SYT9: variants seen among roughly 807,000 people sequenced by gnomAD.
SYT9 encodes the protein synaptotagmin 9.
SYT9 carries 22 observed loss-of-function variants against 48.4 expected under a neutral mutation model. The observed-to-expected ratio is 0.45, with a 90% confidence interval of 0.32 to 0.65. SYT9 has a LOEUF of 0.65. Among genes scored for constraint, SYT9 ranks in the 30% least tolerant of loss-of-function variants. SYT9 has a pLI of 0.03. For synonymous variants in SYT9, 265 were observed against 245.0 expected, an observed-to-expected ratio of 1.08 and a Z score of -0.76; for missense variants, 577 against 622.0, an observed-to-expected ratio of 0.93 and a Z score of 0.77.
At chr11:7,347,722 G>A (rs1457903438) in intron 3 of SYT9, among the ~76,000 whole-genome samples, 39 of 152,186 alleles carry the variant, frequency 2.6e-4, no homozygotes, top group Admixed American at 2.6e-3. Flanking sequence ...AGCTTTTTGA[G>A]GGAGTGGGAA....
chr11:7,431,514 G>A lies in SYT9; in HGVS notation c.1467+10879G>A, dbSNP rs561668579. Among the ~76,000 whole-genome samples the A allele has an allele frequency of 2.6e-5, 4 of 152,340 alleles. No individual in the cohort carries two copies. The South Asian group carries it at 8.3e-4, about 32-fold the overall frequency. Reference sequence around the variant, plus strand: ...GGAGGAACCACTTGCTAGAGATATTGGCATAACTAAAAGGGAGCCAGGTGC... The same window carrying A: ...GGAGGAACCACTTGCTAGAGATATTAGCATAACTAAAAGGGAGCCAGGTGC... On this transcript the variant is annotated intron_variant, in intron 6 of 6. Transcript: ENST00000318881.
chr11:7,461,620 G>A (rs1440904062), intron 6 of SYT9, among the ~76,000 whole-genome samples: 2 of 152,186 alleles, frequency 1.3e-5, no homozygotes, highest in African/African-American at 4.8e-5. Flanking sequence ...TGATCCATCC[G>A]CCTTGGCCTT....
chr11:7,309,215 G>A (rs1258328368), intron 2 of SYT9, among the ~76,000 whole-genome samples: 1 of 152,130 alleles, frequency 6.6e-6, no homozygotes, highest in Admixed American at 6.5e-5. Context: ...GAGAGAGAAT[G>A]GGAGGTGGAT....
rs1447752379 is a variant in SYT9, at chr11:7,252,421, G to A, written c.145+90G>A. The A allele has an allele frequency of 1.1e-5, 14 of 1,310,808 alleles. No homozygotes were observed. In the East Asian group the frequency reaches 3.1e-4, roughly 29 times the overall value. The allele number at this position is 1,310,808 out of a possible 1,614,324, so 81.2% of individuals were successfully genotyped here. A position where few individuals can be genotyped will look rare whatever the true frequency, so the allele number is the denominator to read the frequency against. On this transcript the variant is annotated intron_variant, in intron 1 of 6. Transcript: ENST00000318881. The surrounding 1 kb of genome is among the most constrained non-coding windows in gnomAD (Gnocchi z 6.3). The stretch of plus-strand genomic sequence containing the variant: ...GGGGCCTGAGGCAGAACAGCGACGC[G>A]GACTGGGAGAGGGCGGGGGGCGGCC...
In SYT9 at chr11:7,252,506, G is replaced by A. The variant is rs1288223323; in HGVS notation, c.145+175G>A. 1.3e-5 allele frequency among the ~76,000 whole-genome samples: 2 copies of A among 152,086 alleles called. No homozygotes were observed. Among genetic ancestry groups the A allele is most frequent in the Non-Finnish European group, 2.9e-5 (2 of 68,004 alleles). ...TGTGGCCTGATGCTGTAACCAGGCG[G>A]GGACCCGGGCGGTGGCTACTGCACG... On this transcript the variant is annotated intron_variant, in intron 1 of 6. Coordinates refer to ENST00000318881, the MANE Select transcript of SYT9 (RefSeq NM_175733.4). The surrounding 1 kb of genome is among the most constrained non-coding windows in gnomAD (Gnocchi z 6.3).
chr11:7,269,411 A>G (rs1336833383), intron 1 of SYT9, among the ~76,000 whole-genome samples: 4 of 152,190 alleles, frequency 2.6e-5, no homozygotes, highest in Non-Finnish European at 4.4e-5. Context: ...GCAAAACAAT[A>G]ACAGCAGGTT....
intron 1 of SYT9, among the ~76,000 whole-genome samples, chr11:7,265,190 A>G (rs750464647): frequency 5.9e-5 from 9 of 152,134 alleles, no homozygotes; most frequent in Non-Finnish European, 1.3e-4. Flanking sequence ...TAGGTTTACC[A>G]CAGGAAGTCA....
chr11:7,442,557 C>A (rs1260007263), intron 6 of SYT9, among the ~76,000 whole-genome samples: 2 of 152,196 alleles, frequency 1.3e-5, no homozygotes, highest in African/African-American at 2.4e-5. Flanking sequence ...ACCCCCAGCA[C>A]TGGGCACCCA....
At chr11:7,344,491 AT>A (rs770705817) in intron 3 of SYT9, among the ~76,000 whole-genome samples, 42 of 151,046 alleles carry the variant, frequency 2.8e-4, no homozygotes, top group Admixed American at 1.5e-3. Context: ...TTTATACAGT[AT>A]TTTTTTTTAC....
intron 3 of SYT9, among the ~76,000 whole-genome samples, chr11:7,338,561 T>A (rs1316066787): frequency 6.6e-6 from 1 of 152,208 alleles, no homozygotes; most frequent in African/African-American, 2.4e-5. Flanking sequence ...TTGTTCTCAT[T>A]AGTATCAAAG....
At chr11:7,330,692 C>G (rs1041921104) in intron 3 of SYT9, among the ~76,000 whole-genome samples, 2 of 152,044 alleles carry the variant, frequency 1.3e-5, no homozygotes, top group Non-Finnish European at 2.9e-5. Context: ...TTTAGATAAA[C>G]AAGGGGACAA....
chr11:7,358,702 T>G (rs1227298592), intron 3 of SYT9, among the ~76,000 whole-genome samples: 1 of 152,240 alleles, frequency 6.6e-6, no homozygotes. Context: ...TGTTTTACAT[T>G]TTCCATTTCC....
intron 1 of SYT9, among the ~76,000 whole-genome samples, chr11:7,244,337 T>C (rs1185150624): frequency 6.6e-6 from 1 of 152,172 alleles, no homozygotes; most frequent in Non-Finnish European, 1.5e-5. Context: ...GGAATAATGG[T>C]GCAACGATAA....
intron 3 of SYT9, among the ~76,000 whole-genome samples, chr11:7,334,517 C>T (rs1220339339): frequency 6.6e-6 from 1 of 152,140 alleles, no homozygotes; most frequent in Admixed American, 6.5e-5. Context: ...CACAATTTGA[C>T]AGTATTTGAC....
intron 1 of SYT9, among the ~76,000 whole-genome samples, chr11:7,285,505 A>T (rs189627402): frequency 6.6e-6 from 1 of 152,292 alleles, no homozygotes; most frequent in Non-Finnish European, 1.5e-5. Context: ...ATTCAAGATG[A>T]GATTTGGGTG....
intron 3 of SYT9, among the ~76,000 whole-genome samples, chr11:7,334,272 C>A (rs1304730233): frequency 6.6e-6 from 1 of 152,072 alleles, no homozygotes; most frequent in Non-Finnish European, 1.5e-5. Flanking sequence ...GTCTTTGAGT[C>A]TTTATGAGTA....
chr11:7,271,905 A>G (rs1428500005), intron 1 of SYT9, among the ~76,000 whole-genome samples: 2 of 152,198 alleles, frequency 1.3e-5, no homozygotes, highest in Non-Finnish European at 2.9e-5. Context: ...ACTATAAGGT[A>G]TAGATATTTA....
intron 2 of SYT9, among the ~76,000 whole-genome samples, chr11:7,310,144 GT>G (rs1454419067): frequency 6.6e-6 from 1 of 152,112 alleles, no homozygotes; most frequent in Non-Finnish European, 1.5e-5. Context: ...TGGTTTTTGA[GT>G]TTTTTTGAGA....
intron 3 of SYT9, among the ~76,000 whole-genome samples, chr11:7,370,334 A>AT (rs1397500610): frequency 2.6e-5 from 4 of 152,126 alleles, no homozygotes; most frequent in African/African-American, 4.8e-5. Context: ...CATTTATAAG[A>AT]TTTTTTTAAA....
Sources: allele counts gnomAD v4.1 joint callset (sites outside exome capture counted in the v4.1 genomes callset), GRCh38; gene constraint gnomAD v4.1.1; non-coding constraint Gnocchi (gnomAD v3.1); transcripts MANE v1.5; gene names NCBI Gene and HGNC (gene_info 2026-07-23, HGNC 2026-07-21).